Variants in LGI3 observed in about 807,000 individuals in gnomAD.
LGI3 encodes leucine rich repeat LGI family member 3, also known as leucine-rich repeat LGI family member 3.
Under a neutral mutation model 55.4 loss-of-function variants are expected in LGI3, and 47 were observed. That is an observed-to-expected ratio of 0.85 (90% CI 0.67 to 1.08). LGI3 has a LOEUF of 1.08. LGI3 is among the 50% of genes least tolerant of loss of function. The pLI is 0.00. For missense variants in LGI3, 664 were observed against 726.3 expected, an observed-to-expected ratio of 0.91 and a Z score of 0.99; for synonymous variants, 326 against 315.0, an observed-to-expected ratio of 1.04 and a Z score of -0.37.
At chr8:22,154,119 G>A (rs1345030506) in intron 4 of LGI3, 23 bp downstream of exon 4, 5 of 1,612,480 alleles carry the variant, frequency 3.1e-6, no homozygotes, top group Non-Finnish European at 4.2e-6. Context: ...TTGGTGCAGT[G>A]TGTGTATGTG....
chr8:22,156,304 C>T (rs1485021505), intron 1 of LGI3, 33 bp downstream of exon 1: 1 of 1,607,546 alleles, frequency 6.2e-7, no homozygotes. Flanking sequence ...TCCTCTCCCT[C>T]CCCAACCCCC....
rs1386248163 is a variant in LGI3, at chr8:22,148,922, G to C, written c.885C>G (p.Val295=). The C allele has an allele frequency of 1.2e-6, 2 of 1,614,012 alleles. No homozygotes were observed. Among genetic ancestry groups the C allele is most frequent in the Non-Finnish European group, 8.5e-7 (1 of 1,179,986 alleles). ...PMVVDSQLYV[V]VAQLFGGSYI... is the part of the protein sequence containing the mutation. ...AAGAGCCGCCAAACAGCTGGGCCAC[G>C]ACCACGTACAGCTGGCTGTCCACCA... The change falls in exon 8 of 8, where the codon GTC becomes GTG. Residue 295 remains valine (V), a synonymous_variant. Coordinates refer to ENST00000306317, the MANE Select transcript of LGI3 (RefSeq NM_139278.4). The surrounding 1 kb of genome is among the most constrained non-coding windows in gnomAD (Gnocchi z 7.0).
chr8:22,149,872 C>G (rs1471826818), intron 7 of LGI3, among the ~76,000 whole-genome samples: 1 of 152,144 alleles, frequency 6.6e-6, no homozygotes, highest in East Asian at 1.9e-4. Context: ...GCTAATGACC[C>G]CCATGCCACA....
At chr8:22,154,675 G>A in intron 2 of LGI3, 44 bp from the exon 3 acceptor site, 1 of 1,442,796 alleles carries the variant, frequency 6.9e-7, no homozygotes. Flanking sequence ...GGGTGTGCCT[G>A]CTGCCCCAGC....
chr8:22,147,607 C>T lies in LGI3; in HGVS notation c.*553G>A, dbSNP rs1827319759. On this transcript the variant is annotated 3_prime_UTR_variant, in exon 8 of 8. Coordinates refer to ENST00000306317, the MANE Select transcript of LGI3 (RefSeq NM_139278.4). ...GTGCCCTGACATGTTTATAGATGGA[C>T]ACCGGGTGCAGTCGGGGCGTGTGAG... is the stretch of plus-strand genomic sequence containing the variant. 1 of 155,994 alleles carries T rather than the reference C, an allele frequency of 6.4e-6. No homozygotes were observed. Among genetic ancestry groups the T allele is most frequent in the Non-Finnish European group, 1.4e-5 (1 of 70,366 alleles). 9.7% of individuals were successfully genotyped at this position (155,994 alleles called of 1,614,324 possible). A position where few individuals can be genotyped will look rare whatever the true frequency, so the allele number is the denominator to read the frequency against.
At chr8:22,156,234 C>T in intron 1 of LGI3, 103 bp downstream of exon 1, 2 of 1,282,548 alleles carry the variant, frequency 1.6e-6, no homozygotes, top group Non-Finnish European at 2.2e-6. Context: ...CCCCTGGTCC[C>T]CGCACTCTGA....
chr8:22,148,984 C>A lies in LGI3; in HGVS notation c.830-7G>T. On this transcript the variant is annotated splice_region_variant and splice_polypyrimidine_tract_variant and intron_variant, in intron 7 of 7. Coordinates refer to ENST00000306317, the MANE Select transcript of LGI3 (RefSeq NM_139278.4). The surrounding 1 kb of genome is among the most constrained non-coding windows in gnomAD (Gnocchi z 7.0). The stretch of plus-strand genomic sequence containing the variant: ...CAGTGCACTGCAGAGGGGGCTGTGC[C>A]AGGACAGAGGCAGACAGCATCAGGC... The A allele has an allele frequency of 6.3e-7, 1 of 1,598,154 alleles. No homozygotes were observed. The highest frequency in any genetic ancestry group is 8.5e-7 in the Non-Finnish European group (1 of 1,171,652).
intron 3 of LGI3, 167 bp downstream of exon 3, chr8:22,154,393 A>C (rs757181218): frequency 2.1e-5 from 16 of 779,638 alleles, no homozygotes; most frequent in Non-Finnish European, 2.9e-5. Context: ...AATGAATGAA[A>C]CGACCTTCTG....
rs758547014 is a variant in LGI3, at chr8:22,148,353, C to T, written c.1454G>A (p.Ser485Asn). 3 of 1,614,000 alleles carry T rather than the reference C, an allele frequency of 1.9e-6. No individual in the cohort carries two copies. Among genetic ancestry groups the T allele is most frequent in the Non-Finnish European group, 2.5e-6 (3 of 1,179,966 alleles). The change falls in exon 8 of 8, where the codon AGT (serine) becomes AAT (asparagine). Residue 485 changes from serine to asparagine, a missense_variant. Physicochemically the swap from Ser to Asn is conservative, Grantham distance 46. Transcript: ENST00000306317. The surrounding 1 kb of genome is among the most constrained non-coding windows in gnomAD (Gnocchi z 7.0). ...VGGRRYLALGSDFSFTQIYQW... is the reference protein window; with the variant it reads ...VGGRRYLALGNDFSFTQIYQW... ...GTAGATCTGGGTGAAGGAGAAATCA[C>T]TGCCCAGTGCCAGGTAGCGGCGGCC...
intron 2 of LGI3, 193 bp downstream of exon 2, chr8:22,155,199 C>T (rs988624207): frequency 1.6e-6 from 1 of 611,966 alleles, no homozygotes; most frequent in Non-Finnish European, 2.9e-6. Context: ...TAGCTGTCCT[C>T]CTGCTGCCCC....
At chr8:22,154,276 C>T (rs1025082801) in intron 3 of LGI3, 63 bp from the exon 4 acceptor site, 27 of 1,319,468 alleles carry the variant, frequency 2.0e-5, no homozygotes, top group African/African-American at 2.9e-5. Flanking sequence ...GCAGCACTCG[C>T]CCTACGCCCC....
At chr8:22,155,487 C>T (rs1459428560) in intron 1 of LGI3, 24 bp from the exon 2 acceptor site, 1 of 1,605,542 alleles carries the variant, frequency 6.2e-7, no homozygotes, top group East Asian at 2.2e-5. Context: ...CGAGTCAGTA[C>T]TGTGGGGTCT....
intron 5 of LGI3, among the ~76,000 whole-genome samples, chr8:22,152,911 G>A (rs1236978935): frequency 4.0e-5 from 6 of 151,142 alleles, no homozygotes; most frequent in African/African-American, 1.2e-4. Flanking sequence ...TTAGCCAGGT[G>A]TGGTGGTGCA....
At chr8:22,154,411 C>A in intron 3 of LGI3, 149 bp downstream of exon 3, 1 of 808,962 alleles carries the variant, frequency 1.2e-6, no homozygotes. Flanking sequence ...CTGCTCAGGT[C>A]CTGCCATCAC....
chr8:22,155,248 A>G, intron 2 of LGI3, 144 bp downstream of exon 2: 1 of 768,602 alleles, frequency 1.3e-6, no homozygotes, highest in Non-Finnish European at 2.2e-6. Flanking sequence ...TTTTGGGTAC[A>G]TCCTATCAGA....
intron 5 of LGI3, among the ~76,000 whole-genome samples, chr8:22,153,596 G>A (rs1827408435): frequency 6.6e-6 from 1 of 151,878 alleles, no homozygotes; most frequent in Admixed American, 6.6e-5. Flanking sequence ...CTTAGTCCCA[G>A]CTACTCCAGA....
chr8:22,152,410 G>A (rs752547180), intron 5 of LGI3, among the ~76,000 whole-genome samples: 8 of 152,012 alleles, frequency 5.3e-5, no homozygotes, highest in South Asian at 2.1e-4. Flanking sequence ...ATCCCCTCCC[G>A]CTGATTGGAC....
chr8:22,156,538 G>T lies in LGI3; in HGVS notation c.5C>A (p.Ala2Glu), dbSNP rs759135285. 669 of 1,270,116 alleles carry T rather than the reference G, an allele frequency of 5.3e-4. No homozygotes were observed. The highest frequency in any genetic ancestry group is 6.5e-4 in the Non-Finnish European group (645 of 986,310). The allele number at this position is 1,270,116 out of a possible 1,614,324, so 78.7% of individuals were successfully genotyped here. Residue 2 changes from alanine to glutamate, a missense_variant, in exon 1 of 8, where the codon GCG (alanine) becomes GAG (glutamate). Coordinates refer to ENST00000306317, the MANE Select transcript of LGI3 (RefSeq NM_139278.4). M[A>E]GLRARGGPGP... ...CGGGCCCCCCCTGGCCCGCAGCCCC[G>T]CCATGCTGCCCGCGATCTCTCCCTG...
At chr8:22,149,117 T>G (rs1346138241) in intron 7 of LGI3, 140 bp from the exon 8 acceptor site, 13 of 618,066 alleles carry the variant, frequency 2.1e-5, no homozygotes, top group Non-Finnish European at 3.7e-5. Context: ...ACACTGAAGT[T>G]CATCCACTAA....
Sources: allele counts gnomAD v4.1 joint callset (sites outside exome capture counted in the v4.1 genomes callset), GRCh38; gene constraint gnomAD v4.1.1; non-coding constraint Gnocchi (gnomAD v3.1); transcripts MANE v1.5; gene names NCBI Gene and HGNC (gene_info 2026-07-23, HGNC 2026-07-21).